The following OR51M1 variants were observed in gnomAD, a reference collection of about 807,000 sequenced individuals.
OR51M1 encodes the protein olfactory receptor family 51 subfamily M member 1.
For synonymous variants in OR51M1, 199 were observed against 155.1 expected (o/e 1.28, Z -2.10); for missense variants, 509 against 404.4 (o/e 1.26, Z -2.22).
Position 5,390,382 on chromosome 11 carries a change from C to T in OR51M1, c.*3C>T. Reference sequence around the variant, plus strand: ...GTCTTAAAAAGGCCAGTAAATGAGTCCTGGGGCTAAAACTCCCCCTAGAGG... The same window carrying T: ...GTCTTAAAAAGGCCAGTAAATGAGTTCTGGGGCTAAAACTCCCCCTAGAGG... On this transcript the variant is annotated 3_prime_UTR_variant, in exon 3 of 3. Transcript: ENST00000642046. 1 of 1,581,712 alleles carries T rather than the reference C, an allele frequency of 6.3e-7. No individual in the cohort carries two copies. Among genetic ancestry groups the T allele is most frequent in the Non-Finnish European group, 8.6e-7 (1 of 1,162,064 alleles).
In OR51M1 at chr11:5,389,915, C is replaced by G. The variant is rs375153622; in HGVS notation, c.517C>G (p.Leu173Val). The change falls in exon 3 of 3, where the codon CTC becomes GTC. Residue 173 changes from leucine to valine, a missense_variant. By Grantham distance (32) the Leu-to-Val change is conservative. Transcript: ENST00000642046. ...RGPVATIPIV[L>V]LLKAFPYCGS... ...ACCTGTGGCCACTATCCCTATTGTCCTCCTCCTGAAGGCTTTTCCCTACTG... is the reference window on the plus strand; with the variant it reads ...ACCTGTGGCCACTATCCCTATTGTCGTCCTCCTGAAGGCTTTTCCCTACTG... 64 of 1,611,664 alleles carry G rather than the reference C, an allele frequency of 4.0e-5. No individual in the cohort carries two copies.
intron 2 of OR51M1, among the ~76,000 whole-genome samples, chr11:5,385,999 G>A (rs1465379996): frequency 6.6e-6 from 1 of 151,046 alleles, no homozygotes; most frequent in Non-Finnish European, 1.5e-5. Flanking sequence ...ATGTGTGTGT[G>A]TATTTACACC....
In OR51M1 at chr11:5,391,691, C is replaced by G. The variant is rs1389452248; in HGVS notation, c.*1312C>G. The G allele has an allele frequency of 2.0e-5, 3 of 152,196 alleles. No individual in the cohort carries two copies. The highest frequency in any genetic ancestry group is 4.8e-5 in the African/African-American group (2 of 41,444). 9.4% of individuals were successfully genotyped at this position (152,196 alleles called of 1,614,324 possible). Reference sequence around the variant, plus strand: ...TCTTCATTGTCCCAGTTCTACTTTACTCAGGCCCTCTGGATCCTCCCACCC... The same window carrying G: ...TCTTCATTGTCCCAGTTCTACTTTAGTCAGGCCCTCTGGATCCTCCCACCC... On this transcript the variant is annotated 3_prime_UTR_variant, in exon 3 of 3. Coordinates refer to ENST00000642046, the MANE Select transcript of OR51M1 (RefSeq NM_001004756.3).
Position 5,390,439 on chromosome 11 carries a change from T to A in OR51M1, c.*60T>A, listed in dbSNP as rs533737573. ...AGAAGGCCCCAAATTGGACTGAAAA[T>A]TTGGAGTATTGAGTATATAGCATGC... On this transcript the variant is annotated 3_prime_UTR_variant, in exon 3 of 3. Coordinates refer to ENST00000642046, the MANE Select transcript of OR51M1 (RefSeq NM_001004756.3). 1.3e-4 allele frequency: 190 copies of A among 1,416,126 alleles called. No individual in the cohort carries two copies. The African/African-American group carries it at 2.4e-3, about 18-fold the overall frequency. The allele number at this position is 1,416,126 out of a possible 1,614,324, so 87.7% of individuals were successfully genotyped here. A position where few individuals can be genotyped will look rare whatever the true frequency, so the allele number is the denominator to read the frequency against.
At position 5,392,850 on chromosome 11, in the gene OR51M1, T is replaced by A. The variant is rs1279311287; in HGVS notation, c.*2471T>A. ...TGGCGTGAACCCAGGAGGTGGAGCT[T>A]GCAGTGAGCCGAGATCGTGCCACTG... is the stretch of plus-strand genomic sequence containing the variant. On this transcript the variant is annotated 3_prime_UTR_variant, in exon 3 of 3. Coordinates refer to ENST00000642046, the MANE Select transcript of OR51M1 (RefSeq NM_001004756.3). 1 of 152,046 alleles carries A rather than the reference T, an allele frequency of 6.6e-6. No individual in the cohort carries two copies. The highest frequency in any genetic ancestry group is 6.5e-5 in the Admixed American group (1 of 15,276). 9.4% of individuals were successfully genotyped at this position (152,046 alleles called of 1,614,324 possible). A position where few individuals can be genotyped will look rare whatever the true frequency, so the allele number is the denominator to read the frequency against.
chr11:5,387,530 C>G (rs957347995), intron 2 of OR51M1, among the ~76,000 whole-genome samples: 1 of 152,188 alleles, frequency 6.6e-6, no homozygotes, highest in African/African-American at 2.4e-5. Context: ...TCGAAGCTCA[C>G]AAGTATAATA....
rs1285734046 is a variant in OR51M1, at chr11:5,391,674, GT to G, written c.*1296del. The G allele has an allele frequency of 6.6e-6, 1 of 152,142 alleles. No homozygotes were observed. Among genetic ancestry groups the G allele is most frequent in the Non-Finnish European group, 1.5e-5 (1 of 68,044 alleles). The allele number at this position is 152,142 out of a possible 1,614,324, so 9.4% of individuals were successfully genotyped here. Reference sequence around the variant, plus strand: ...TCCATCAAGGTGGTATATCTTCATTGTCCCAGTTCTACTTTACTCAGGCCCT... The same window carrying G: ...TCCATCAAGGTGGTATATCTTCATTGCCCAGTTCTACTTTACTCAGGCCCT... On this transcript the variant is annotated 3_prime_UTR_variant, in exon 3 of 3. Coordinates refer to ENST00000642046, the MANE Select transcript of OR51M1 (RefSeq NM_001004756.3).
At position 5,390,071 on chromosome 11, in the gene OR51M1, C is replaced by T. The variant is rs780203235; in HGVS notation, c.673C>T (p.Leu225Phe). The change falls in exon 3 of 3, where the codon CTC becomes TTC. Residue 225 changes from leucine (L) to phenylalanine (F), a missense_variant. By Grantham distance (22) the Leu-to-Phe change is conservative. Transcript: ENST00000642046. ...VVFTVMLDLV[L>F]IALSYGLILH... ...TTTCACTGTGATGCTGGACCTGGTG[C>T]TCATCGCACTGTCCTATGGACTCAT... The T allele has an allele frequency of 1.2e-5, 20 of 1,613,596 alleles. No homozygotes were observed. Among genetic ancestry groups the T allele is most frequent in the Non-Finnish European group, 1.6e-5 (19 of 1,179,904 alleles).
rs1400707100 is a variant in OR51M1, at chr11:5,392,620, A to T, written c.*2241A>T. On this transcript the variant is annotated 3_prime_UTR_variant, in exon 3 of 3. Transcript: ENST00000642046. ...ACGAATATTGAAGAATAGAGTTAAC[A>T]ATCAATATCTGGCTGGGCGCGGTGG... 2 of 152,244 alleles carry T rather than the reference A, an allele frequency of 1.3e-5. No homozygotes were observed. Among genetic ancestry groups the T allele is most frequent in the African/African-American group, 4.8e-5 (2 of 41,468 alleles). The allele number at this position is 152,244 out of a possible 1,614,324, so 9.4% of individuals were successfully genotyped here. A position where few individuals can be genotyped will look rare whatever the true frequency, so the allele number is the denominator to read the frequency against.
At position 5,384,892 on chromosome 11, in the gene OR51M1, A is replaced by G. The variant is rs144932585; in HGVS notation, c.-121-461A>G. ...ACAGATGAGTTTGACCACTGTGGAA[A>G]TGTTCTCTAGGGGTTCAAAAATGAA... On this transcript the variant is annotated intron_variant, in intron 1 of 2. Transcript: ENST00000642046. 2.9e-3 allele frequency among the ~76,000 whole-genome samples: 447 copies of G among 152,314 alleles called. 1 individual carries two copies. The highest frequency in any genetic ancestry group is 0.01 in the African/African-American group (423 of 41,574).
In OR51M1 at chr11:5,393,057, GCT is replaced by G. The variant is rs1214357434; in HGVS notation, c.*2681_*2682del. On this transcript the variant is annotated 3_prime_UTR_variant, in exon 3 of 3. Transcript: ENST00000642046. ...CATCAAAAGACTTGAAAATATTCAT[GCT>G]CTGTGTCTCAGAAATGCCACTTCTA... 6.6e-6 allele frequency: 1 copy of G among 152,130 alleles called. No individual in the cohort carries two copies. Among genetic ancestry groups the G allele is most frequent in the African/African-American group, 2.4e-5 (1 of 41,426 alleles). The allele number at this position is 152,130 out of a possible 1,614,324, so 9.4% of individuals were successfully genotyped here. A position where few individuals can be genotyped will look rare whatever the true frequency, so the allele number is the denominator to read the frequency against.
At chr11:5,389,338 A>G in intron 2 of OR51M1, 46 bp from the exon 3 acceptor site, 1 of 1,493,862 alleles carries the variant, frequency 6.7e-7, no homozygotes, top group Non-Finnish European at 9.2e-7. Context: ...TGTGAATGTT[A>G]GTGAAGCTGA....
In OR51M1 at chr11:5,390,304, C is replaced by T. The variant is rs867900871; in HGVS notation, c.906C>T (p.Ile302=). ...YLFVPPMLNP[I]IYSIKTKEIH... is the part of the protein sequence containing the mutation. ...TTGTGCCTCCCATGCTTAACCCAAT[C>T]ATATACAGCATTAAGACCAAGGAGA... The change falls in exon 3 of 3, where the codon ATC becomes ATT. Residue 302 remains isoleucine, a synonymous_variant. Coordinates refer to ENST00000642046, the MANE Select transcript of OR51M1 (RefSeq NM_001004756.3). 6.2e-7 allele frequency: 1 copy of T among 1,613,678 alleles called. No homozygotes were observed. Among genetic ancestry groups the T allele is most frequent in the Admixed American group, 1.7e-5 (1 of 59,990 alleles).
chr11:5,389,650 G>T lies in OR51M1; in HGVS notation c.252G>T (p.Gly84=), dbSNP rs759157109. The T allele has an allele frequency of 6.2e-7, 1 of 1,613,582 alleles. No homozygotes were observed. Among genetic ancestry groups the T allele is most frequent in the Admixed American group, 1.7e-5 (1 of 60,016 alleles). Reference sequence around the variant, plus strand: ...CCTTGCTGGCCCTCACTGACCTGGGGCTGTGTGTGTCCACGTTGCCCACCA... The same window carrying T: ...CCTTGCTGGCCCTCACTGACCTGGGTCTGTGTGTGTCCACGTTGCCCACCA... ...LLSLLALTDL[G]LCVSTLPTTM... The change falls in exon 3 of 3, where the codon GGG becomes GGT. Residue 84 remains glycine, a synonymous_variant. Transcript: ENST00000642046.
intron 2 of OR51M1, among the ~76,000 whole-genome samples, chr11:5,386,127 C>T (rs1057383643): frequency 4.0e-5 from 6 of 151,816 alleles, no homozygotes; most frequent in South Asian, 2.1e-4. Context: ...TTAAAGGATC[C>T]GCAAGTGTTT....
In OR51M1 at chr11:5,390,295, TAACCC is replaced by T. The variant is rs768484420; in HGVS notation, c.900_904del (p.Pro301HisfsTer5). 120 of 1,613,908 alleles carry T rather than the reference TAACCC, an allele frequency of 7.4e-5. No individual in the cohort carries two copies. The South Asian group carries it at 1.3e-3, about 17-fold the overall frequency. ...TCTACCTTTTTGTGCCTCCCATGCT[TAACCC>T]AATCATATACAGCATTAAGACCAAG... is the stretch of plus-strand genomic sequence containing the variant. On this transcript the variant is annotated frameshift_variant, in exon 3 of 3. Transcript: ENST00000642046. LOFTEE classifies it low-confidence loss of function (END_TRUNC).
chr11:5,389,862 G>C lies in OR51M1; in HGVS notation c.464G>C (p.Arg155Thr), dbSNP rs773014758. The C allele has an allele frequency of 3.1e-6, 5 of 1,613,726 alleles. No individual in the cohort carries two copies. Among genetic ancestry groups the C allele is most frequent in the Non-Finnish European group, 3.4e-6 (4 of 1,179,890 alleles). The change falls in exon 3 of 3, where the codon AGA becomes ACA. Residue 155 changes from arginine to threonine, a missense_variant. Coordinates refer to ENST00000642046, the MANE Select transcript of OR51M1 (RefSeq NM_001004756.3). ...ATTATCACTGGCCAGCAAGTGGTCA[G>C]AGCAGGCCTAATTGTCATCTTCCGG... The part of the protein sequence containing the change: ...SVIITGQQVV[R>T]AGLIVIFRGP...
At chr11:5,386,752 A>C (rs1849701352) in intron 2 of OR51M1, among the ~76,000 whole-genome samples, 1 of 152,176 alleles carries the variant, frequency 6.6e-6, no homozygotes, top group Non-Finnish European at 1.5e-5. Flanking sequence ...TTGGCTACAG[A>C]GATGAAGATG....
chr11:5,386,850 A>T (rs904034665), intron 2 of OR51M1, among the ~76,000 whole-genome samples: 6 of 152,110 alleles, frequency 3.9e-5, no homozygotes, highest in African/African-American at 1.4e-4. Flanking sequence ...CAGCTCAAAA[A>T]TGTTGTCTTG....
Sources: gnomAD v4.1 joint callset for allele counts (sites outside exome capture counted in the v4.1 genomes callset) on GRCh38, gnomAD v4.1.1 for gene constraint, MANE v1.5 for transcripts, NCBI Gene and HGNC (gene_info 2026-07-23, HGNC 2026-07-21) for gene names.